Variants in IFT74 observed in about 807,000 individuals in gnomAD.
IFT74 encodes the protein intraflagellar transport protein 74 homolog.
A neutral mutation model predicts 96.7 loss-of-function variants in IFT74; 92 were observed. The observed-to-expected ratio is 0.95, with a 90% confidence interval of 0.80 to 1.13. The LOEUF (loss-of-function observed/expected upper bound fraction) is 1.13. Among genes scored for constraint, IFT74 ranks in the 50% most tolerant of loss-of-function variants. The probability of loss-of-function intolerance (pLI) is 0.00; values close to 1 mark genes in which losing one functional copy is unlikely to be tolerated. For missense variants in IFT74, 811 were observed against 698.2 expected, an observed-to-expected ratio of 1.16 and a Z score of -1.82; for synonymous variants, 223 against 213.2, an observed-to-expected ratio of 1.05 and a Z score of -0.40.
At chr9:27,038,659 A>G (rs546422059) in intron 13 of IFT74, among the ~76,000 whole-genome samples, 7 of 152,360 alleles carry the variant, frequency 4.6e-5, no homozygotes, top group African/African-American at 1.4e-4. Flanking sequence ...AGGAACACAT[A>G]GAAGAGCATA....
At chr9:27,008,435 G>A (rs1472347645) in intron 8 of IFT74, among the ~76,000 whole-genome samples, 3 of 151,496 alleles carry the variant, frequency 2.0e-5, no homozygotes, top group Non-Finnish European at 4.4e-5. Flanking sequence ...TCAGCCCACT[G>A]CAACCTCTTC....
In IFT74 at chr9:27,062,908, A is replaced by G; in HGVS notation, c.*172A>G. 2 of 516,258 alleles carry G rather than the reference A, an allele frequency of 3.9e-6. No homozygotes were observed. Among genetic ancestry groups the G allele is most frequent in the East Asian group, 3.5e-5 (1 of 28,528 alleles). The allele number at this position is 516,258 out of a possible 1,614,324, so 32.0% of individuals were successfully genotyped here. ...ATATTTTAAAATAGTAAATAGTTCA[A>G]TAAATGGTTTGCATATTAAAAAGTA... On this transcript the variant is annotated 3_prime_UTR_variant, in exon 20 of 20. Coordinates refer to ENST00000380062, the MANE Select transcript of IFT74 (RefSeq NM_025103.4).
At chr9:27,052,217 T>A (rs1819952530) in intron 16 of IFT74, among the ~76,000 whole-genome samples, 1 of 152,148 alleles carries the variant, frequency 6.6e-6, no homozygotes, top group African/African-American at 2.4e-5. Context: ...TTTTAACAAC[T>A]AGTCATTATG....
At position 27,047,328 on chromosome 9, in the gene IFT74, A is replaced by G. The variant is rs935616606; in HGVS notation, c.1163A>G (p.Gln388Arg). 2 of 1,613,404 alleles carry G rather than the reference A, an allele frequency of 1.2e-6. No individual in the cohort carries two copies. The highest frequency in any genetic ancestry group is 2.7e-5 in the African/African-American group (2 of 74,914). ...TKNQELKRKA[Q>R]IEANIVALLE... ...AATCAGGAACTGAAACGAAAGGCAC[A>G]GATAGAAGCCAACATTGTTGCACTC... is the stretch of plus-strand genomic sequence containing the variant. The change falls in exon 15 of 20, where the codon CAG becomes CGG. Residue 388 changes from glutamine (Q) to arginine (R), a missense_variant. Physicochemically the swap from Gln to Arg is conservative, Grantham distance 43. Transcript: ENST00000380062.
At chr9:27,024,114 A>G (rs575950768) in intron 12 of IFT74, among the ~76,000 whole-genome samples, 1 of 152,318 alleles carries the variant, frequency 6.6e-6, no homozygotes, top group Admixed American at 6.5e-5. Context: ...GGAAGGAGAA[A>G]ACAACAGCTA....
At chr9:27,056,905 T>TA (rs1820189808) in intron 18 of IFT74, among the ~76,000 whole-genome samples, 1 of 151,930 alleles carries the variant, frequency 6.6e-6, no homozygotes, top group African/African-American at 2.4e-5. Context: ...GATAGATAGA[T>TA]ATGTGTATAC....
At chr9:27,041,093 G>C (rs910995276) in intron 13 of IFT74, among the ~76,000 whole-genome samples, 1 of 152,054 alleles carries the variant, frequency 6.6e-6, no homozygotes, top group Non-Finnish European at 1.5e-5. Flanking sequence ...CAGCACATAC[G>C]CATTTCTTCT....
intron 6 of IFT74, among the ~76,000 whole-genome samples, chr9:26,987,041 G>T (rs1827671198): frequency 6.6e-6 from 1 of 151,464 alleles, no homozygotes; most frequent in Non-Finnish European, 1.5e-5. Context: ...GAGCAAAATA[G>T]TTTTTTTTTG....
chr9:26,975,903 AGGATC>A (rs1373810755), intron 2 of IFT74, among the ~76,000 whole-genome samples: 1 of 152,224 alleles, frequency 6.6e-6, no homozygotes, highest in African/African-American at 2.4e-5. Flanking sequence ...GGGAAATGGC[AGGATC>A]TGCCACATGA....
At chr9:26,972,788 T>A (rs1352894709) in intron 2 of IFT74, among the ~76,000 whole-genome samples, 1 of 152,212 alleles carries the variant, frequency 6.6e-6, no homozygotes, top group African/African-American at 2.4e-5. Flanking sequence ...TTGCCTGCAC[T>A]TATTAGGTGG....
intron 8 of IFT74, among the ~76,000 whole-genome samples, chr9:27,000,738 T>A (rs1417574543): frequency 6.6e-6 from 1 of 152,202 alleles, no homozygotes; most frequent in Non-Finnish European, 1.5e-5. Flanking sequence ...GCTTAATACC[T>A]AGGTGACGGG....
chr9:27,023,350 T>C (rs1829705494), intron 12 of IFT74, among the ~76,000 whole-genome samples: 1 of 152,230 alleles, frequency 6.6e-6, no homozygotes, highest in African/African-American at 2.4e-5. Flanking sequence ...CTGATTTTGC[T>C]GAGGGTTTTA....
rs372962980 is a variant in IFT74 at position 27,062,708 on chromosome 9, A to G, written c.1775A>G (p.Asp592Gly). The change falls in exon 20 of 20, where the codon GAT becomes GGT. Residue 592 changes from aspartate to glycine, a missense_variant. By Grantham distance (94) the Asp-to-Gly change is moderately conservative. Transcript: ENST00000380062. ...QIAEYNKTIV[D>G]ALHSTSGN Reference sequence around the variant, plus strand: ...GCAGAGTACAATAAAACCATCGTGGATGCTTTACATAGCACCAGCGGAAAC... The same window carrying G: ...GCAGAGTACAATAAAACCATCGTGGGTGCTTTACATAGCACCAGCGGAAAC... 16 of 1,601,444 alleles carry G rather than the reference A, an allele frequency of 1.0e-5. No individual in the cohort carries two copies. The South Asian group carries it at 1.5e-4, about 15-fold the overall frequency.
At chr9:27,048,330 T>G in intron 16 of IFT74, 56 bp downstream of exon 16, 1 of 1,195,692 alleles carries the variant, frequency 8.4e-7, no homozygotes. Flanking sequence ...ATCAATGTTA[T>G]TCTCTGATTA....
intron 12 of IFT74, among the ~76,000 whole-genome samples, chr9:27,021,058 TA>T (rs1352187036): frequency 2.6e-5 from 4 of 152,244 alleles, no homozygotes; most frequent in Admixed American, 6.5e-5. Flanking sequence ...TCACTTAGAA[TA>T]ACTGTCTCCA....
intron 11 of IFT74, 86 bp from the exon 12 acceptor site, chr9:27,018,561 A>G (rs948969369): frequency 4.4e-6 from 3 of 675,598 alleles, no homozygotes; most frequent in African/African-American, 1.8e-5. Context: ...CTTTAGTACA[A>G]TTGTACTCTA....
intron 16 of IFT74, among the ~76,000 whole-genome samples, chr9:27,050,892 A>T (rs1819892346): frequency 1.3e-5 from 2 of 152,008 alleles, no homozygotes; most frequent in African/African-American, 4.8e-5. Flanking sequence ...AATAATATAT[A>T]TATATAAAAG....
intron 13 of IFT74, among the ~76,000 whole-genome samples, chr9:27,031,478 A>G (rs1430333541): frequency 6.6e-6 from 1 of 151,808 alleles, no homozygotes; most frequent in African/African-American, 2.4e-5. Flanking sequence ...AAAAAAAAAA[A>G]GAAATTCTTT....
At chr9:26,959,624 T>C (rs923363321) in intron 1 of IFT74, among the ~76,000 whole-genome samples, 8 of 152,080 alleles carry the variant, frequency 5.3e-5, no homozygotes, top group Non-Finnish European at 1.2e-4. Context: ...CAGAGTAAGA[T>C]TGATCTTGAA....
Sources: gnomAD v4.1 joint callset for allele counts (sites outside exome capture counted in the v4.1 genomes callset) on GRCh38, gnomAD v4.1.1 for gene constraint, MANE v1.5 for transcripts, NCBI Gene and HGNC (gene_info 2026-07-23, HGNC 2026-07-21) for gene names.